PTPRQ: variants seen among roughly 807,000 people sequenced by gnomAD.
PTPRQ encodes phosphatidylinositol phosphatase PTPRQ.
In PTPRQ, 199 loss-of-function variants were observed where a neutral mutation model predicts 246.0. The ratio of observed to expected loss-of-function variants is 0.81; its 90% CI spans 0.72 to 0.91. The LOEUF (loss-of-function observed/expected upper bound fraction) is 0.91. Among genes scored for constraint, PTPRQ ranks in the 40% least tolerant of loss-of-function variants. The probability of loss-of-function intolerance (pLI) is 0.00; values close to 1 mark genes in which losing one functional copy is unlikely to be tolerated. For missense variants in PTPRQ, 2,624 were observed against 2,528.4 expected, an observed-to-expected ratio of 1.04 and a Z score of -0.81; for synonymous variants, 869 against 853.2, an observed-to-expected ratio of 1.02 and a Z score of -0.32.
At chr12:80,514,720 T>C (rs1329328884) in intron 17 of PTPRQ, among the ~76,000 whole-genome samples, 1 of 145,826 alleles carries the variant, frequency 6.9e-6, no homozygotes, top group Non-Finnish European at 1.5e-5. Context: ...TATATGTATA[T>C]ATTATATATG....
chr12:80,651,265 G>A (rs1318810410), intron 37 of PTPRQ, among the ~76,000 whole-genome samples: 1 of 152,038 alleles, frequency 6.6e-6, no homozygotes, highest in Non-Finnish European at 1.5e-5. Flanking sequence ...CCATAAAGAA[G>A]CTCATATTAT....
intron 39 of PTPRQ, 103 bp from the exon 40 acceptor site, chr12:80,668,904 T>C: frequency 7.5e-7 from 1 of 1,337,348 alleles, no homozygotes; most frequent in Non-Finnish European, 9.7e-7. Flanking sequence ...TTCTAAAATA[T>C]TAGGTAATTT....
intron 42 of PTPRQ, among the ~76,000 whole-genome samples, chr12:80,672,943 AAGAC>A (rs879763781): frequency 5.3e-5 from 8 of 152,154 alleles, no homozygotes; most frequent in Non-Finnish European, 1.0e-4. Flanking sequence ...TGATTAAAGA[AAGAC>A]AAACTCAAAT....
At chr12:80,542,661 G>A in intron 22 of PTPRQ, 69 bp from the exon 23 acceptor site, 1 of 1,467,586 alleles carries the variant, frequency 6.8e-7, no homozygotes, top group Non-Finnish European at 9.0e-7. Context: ...CTTCAAGAAA[G>A]TAAGTCACGG....
chr12:80,542,411 C>T, intron 22 of PTPRQ, 47 bp downstream of exon 22: 1 of 1,506,034 alleles, frequency 6.6e-7, no homozygotes, highest in South Asian at 1.3e-5. Context: ...TGTTGCAGCG[C>T]CTGCTCTCTC....
intron 25 of PTPRQ, among the ~76,000 whole-genome samples, chr12:80,586,171 C>T (rs1309126896): frequency 2.6e-5 from 4 of 151,728 alleles, no homozygotes; most frequent in Admixed American, 6.6e-5. Flanking sequence ...TCTTTGCTAT[C>T]GTGAATAATG....
chr12:80,450,028 G>T (rs1437119740), intron 3 of PTPRQ, among the ~76,000 whole-genome samples: 1 of 152,082 alleles, frequency 6.6e-6, no homozygotes, highest in African/African-American at 2.4e-5. Flanking sequence ...TTCTTCTTTT[G>T]TTTGTATCCT....
intron 33 of PTPRQ, among the ~76,000 whole-genome samples, chr12:80,629,103 G>T (rs1899317324): frequency 6.6e-6 from 1 of 151,434 alleles, no homozygotes; most frequent in African/African-American, 2.4e-5. Flanking sequence ...TGCATGGATG[G>T]AGATAGAGAA....
At chr12:80,507,069 CT>C (rs1894984468) in intron 16 of PTPRQ, among the ~76,000 whole-genome samples, 1 of 151,882 alleles carries the variant, frequency 6.6e-6, no homozygotes, top group East Asian at 1.9e-4. Flanking sequence ...ATGTTCAGCA[CT>C]TTTTTACGAT....
Position 80,680,051 on chromosome 12 carries a change from TC to T in PTPRQ, c.*1029del, listed in dbSNP as rs933670967. 6 of 151,962 alleles carry T rather than the reference TC, an allele frequency of 3.9e-5. No individual in the cohort carries two copies. The highest frequency in any genetic ancestry group is 1.4e-4 in the African/African-American group (6 of 41,526). The allele number at this position is 151,962 out of a possible 1,614,324, so 9.4% of individuals were successfully genotyped here. On this transcript the variant is annotated 3_prime_UTR_variant, in exon 45 of 45. Coordinates refer to ENST00000644991, the MANE Select transcript of PTPRQ (RefSeq NM_001145026.2). ...AAGAAATTAACCATGTATAGCAAAT[TC>T]AAGGTTTCTTTATAGAAAATCTTTC...
Position 80,444,790 on chromosome 12 carries a change from C to A in PTPRQ, c.104C>A (p.Ser35Tyr). The A allele has an allele frequency of 6.5e-7, 1 of 1,540,168 alleles. No homozygotes were observed. Among genetic ancestry groups the A allele is most frequent in the South Asian group, 1.2e-5 (1 of 83,500 alleles). The change falls in exon 2 of 45, where the codon TCT becomes TAT. Residue 35 changes from serine (S) to tyrosine (Y), a missense_variant. By Grantham distance (144) the Ser-to-Tyr change is moderately radical. Transcript: ENST00000644991. ...GGTACTAGGTACGATATAACCATCT[C>A]TTCAATTTCTACAACATACACCTCA... ...VPGTRYDITISSISTTYTSPV... is the reference protein window; with the variant it reads ...VPGTRYDITIYSISTTYTSPV...
chr12:80,470,566 T>C (rs1592546555), intron 7 of PTPRQ, among the ~76,000 whole-genome samples: 1 of 152,194 alleles, frequency 6.6e-6, no homozygotes, highest in South Asian at 2.1e-4. Context: ...TCATTCAAGG[T>C]TTGGCTATGA....
At chr12:80,577,503 T>G (rs1009051223) in intron 25 of PTPRQ, among the ~76,000 whole-genome samples, 3 of 152,162 alleles carry the variant, frequency 2.0e-5, no homozygotes, top group African/African-American at 7.2e-5. Context: ...GAACTACAAT[T>G]CAAGATGAGA....
chr12:80,483,670 G>A (rs777257621), intron 8 of PTPRQ, among the ~76,000 whole-genome samples: 5 of 151,964 alleles, frequency 3.3e-5, no homozygotes, highest in African/African-American at 1.2e-4. Context: ...GTGTCATGGT[G>A]GTTTACTGCA....
At chr12:80,616,887 G>A (rs1020059622) in intron 30 of PTPRQ, among the ~76,000 whole-genome samples, 1 of 151,036 alleles carries the variant, frequency 6.6e-6, no homozygotes, top group Non-Finnish European at 1.5e-5. Flanking sequence ...GAATGATCAC[G>A]GTGCCCTCTC....
rs1330433907 is a variant in PTPRQ, at chr12:80,462,976, G to A, written c.910+2074G>A. On this transcript the variant is annotated intron_variant, in intron 6 of 44. Transcript: ENST00000644991. Reference sequence around the variant, plus strand: ...GCAGAGCACCTCTCCTCCTCCAAAGGATGGCAGTTCCTCACCAGCAACAGA... The same window carrying A: ...GCAGAGCACCTCTCCTCCTCCAAAGAATGGCAGTTCCTCACCAGCAACAGA... Among the ~76,000 whole-genome samples the A allele has an allele frequency of 4.6e-5, 7 of 152,034 alleles. No homozygotes were observed. The South Asian group carries it at 1.5e-3, about 32-fold the overall frequency.
intron 3 of PTPRQ, among the ~76,000 whole-genome samples, chr12:80,457,067 ATTT>A (rs550269979): frequency 6.6e-6 from 1 of 152,032 alleles, no homozygotes; most frequent in African/African-American, 2.4e-5. Context: ...TTCAAATCAA[ATTT>A]TTTTATCTTT....
intron 19 of PTPRQ, among the ~76,000 whole-genome samples, chr12:80,535,405 A>C (rs1446811974): frequency 1.3e-5 from 2 of 152,122 alleles, no homozygotes; most frequent in Non-Finnish European, 2.9e-5. Context: ...TTATTAGCTA[A>C]ATTTTTTTTC....
chr12:80,658,948 T>A (rs1345494025), intron 39 of PTPRQ, among the ~76,000 whole-genome samples: 2 of 152,032 alleles, frequency 1.3e-5, no homozygotes, highest in Non-Finnish European at 2.9e-5. Context: ...ATACTTGTGC[T>A]GTGTCTCATT....
Sources: gnomAD v4.1 joint callset for allele counts (sites outside exome capture counted in the v4.1 genomes callset) on GRCh38, gnomAD v4.1.1 for gene constraint, MANE v1.5 for transcripts, NCBI Gene and HGNC (gene_info 2026-07-23, HGNC 2026-07-21) for gene names.